EXOC2: variants seen among roughly 807,000 people sequenced by gnomAD.
The protein encoded by EXOC2 is SEC5-like 1.
In EXOC2, 70 loss-of-function variants were observed where a neutral mutation model predicts 131.8. That is an observed-to-expected ratio of 0.53 (90% CI 0.44 to 0.65). The LOEUF (loss-of-function observed/expected upper bound fraction) is 0.65, where lower values mean the gene tolerates loss of function less well. EXOC2 is among the 30% of genes least tolerant of loss of function. The probability of loss-of-function intolerance (pLI) is 0.00; values close to 1 mark genes in which losing one functional copy is unlikely to be tolerated. For synonymous variants in EXOC2, 411 were observed against 398.4 expected, an observed-to-expected ratio of 1.03 and a Z score of -0.38; for missense variants, 923 against 1,108.6, an observed-to-expected ratio of 0.83 and a Z score of 2.38.
rs149681779 is a variant in EXOC2, at chr6:653,969, G to A, written c.-43-16108C>T. Among the ~76,000 whole-genome samples the A allele has an allele frequency of 5.8e-4, 88 of 152,322 alleles. No homozygotes were observed. The East Asian group carries it at 0.016, about 27-fold the overall frequency. On this transcript the variant is annotated intron_variant, in intron 1 of 27. Coordinates refer to ENST00000230449, the MANE Select transcript of EXOC2 (RefSeq NM_018303.6). ...GAATTATGATAAATCTACTCTGCCT[G>A]TGTTCTATCAATAGAACAACAGAGC...
chr6:651,190 C>T (rs1762813724), intron 1 of EXOC2, among the ~76,000 whole-genome samples: 1 of 151,634 alleles, frequency 6.6e-6, no homozygotes, highest in South Asian at 2.1e-4. Flanking sequence ...GCCACCATGC[C>T]CAGCTAATTT....
chr6:581,305 A>C (rs1269980208), intron 11 of EXOC2, among the ~76,000 whole-genome samples: 1 of 152,072 alleles, frequency 6.6e-6, no homozygotes, highest in Non-Finnish European at 1.5e-5. Flanking sequence ...CAAAAAAAAA[A>C]AAAAAAAGTA....
At chr6:535,519 A>G (rs1766385342) in intron 22 of EXOC2, among the ~76,000 whole-genome samples, 1 of 152,236 alleles carries the variant, frequency 6.6e-6, no homozygotes. Flanking sequence ...TGAAGACATT[A>G]AAAGGATAGT....
chr6:690,071 G>C (rs9504777), intron 1 of EXOC2, among the ~76,000 whole-genome samples: 22,043 of 152,224 alleles, frequency 0.14, 1,775 homozygotes, highest in African/African-American at 0.21. Flanking sequence ...TTCAAATTGA[G>C]ATCAGCCAGG....
Position 574,697 on chromosome 6 carries a change from G to A in EXOC2, c.1319-2053C>T, listed in dbSNP as rs759513375. Among the ~76,000 whole-genome samples, 13 of 152,202 alleles carry A rather than the reference G, an allele frequency of 8.5e-5. No individual in the cohort carries two copies. In the East Asian group the frequency reaches 9.6e-4, roughly 11 times the overall value. On this transcript the variant is annotated intron_variant, in intron 12 of 27. Coordinates refer to ENST00000230449, the MANE Select transcript of EXOC2 (RefSeq NM_018303.6). ...AGCTAATATTTATTGAGGATTAACC[G>A]TGTGCTTATCATGTGGCTCCACCCA...
intron 11 of EXOC2, among the ~76,000 whole-genome samples, chr6:587,429 A>G (rs569553770): frequency 6.6e-6 from 1 of 152,158 alleles, no homozygotes; most frequent in South Asian, 2.1e-4. Context: ...TATTTTTAGT[A>G]GAGACGGGGT....
At chr6:627,157 C>T (rs1443178048) in intron 4 of EXOC2, among the ~76,000 whole-genome samples, 1 of 149,504 alleles carries the variant, frequency 6.7e-6, no homozygotes, top group Non-Finnish European at 1.5e-5. Flanking sequence ...TCTGCCTTTC[C>T]TTCCTTTTAT....
chr6:616,557 C>T (rs1365816159), intron 6 of EXOC2, among the ~76,000 whole-genome samples: 20 of 137,690 alleles, frequency 1.5e-4, no homozygotes, highest in Middle Eastern at 4.5e-3. Flanking sequence ...GAGCTGAGAT[C>T]GCGCCACAGC....
intron 1 of EXOC2, among the ~76,000 whole-genome samples, chr6:674,138 C>T (rs894373420): frequency 1.3e-5 from 2 of 152,086 alleles, no homozygotes; most frequent in African/African-American, 2.4e-5. Flanking sequence ...GCAAAAATAC[C>T]AACTTGATCA....
chr6:537,952 T>C (rs1766565526), intron 22 of EXOC2, among the ~76,000 whole-genome samples: 1 of 152,198 alleles, frequency 6.6e-6, no homozygotes, highest in Non-Finnish European at 1.5e-5. Flanking sequence ...AGGGAAGGTT[T>C]TGTATTTTCA....
At chr6:598,979 T>C (rs781110441) in intron 8 of EXOC2, 38 bp from the exon 9 acceptor site, 103 of 1,577,144 alleles carry the variant, frequency 6.5e-5, no homozygotes, top group Non-Finnish European at 8.5e-5. Flanking sequence ...CTGTCAGTAA[T>C]GCAAAATGAA....
intron 1 of EXOC2, among the ~76,000 whole-genome samples, chr6:681,198 T>C (rs9504741): frequency 0.14 from 20,954 of 152,196 alleles, 1,565 homozygotes; most frequent in African/African-American, 0.19. Flanking sequence ...ACAATCAACC[T>C]GTGACAGCTC....
chr6:497,645 CTTATAT>C (rs1391690697), intron 24 of EXOC2, among the ~76,000 whole-genome samples, 156 bp from the exon 25 acceptor site: 1 of 152,180 alleles, frequency 6.6e-6, no homozygotes, highest in Admixed American at 6.5e-5. Flanking sequence ...AAGATACAGA[CTTATAT>C]TTAAATTCTA....
chr6:551,646 G>A (rs1321259653), intron 21 of EXOC2, among the ~76,000 whole-genome samples: 1 of 152,308 alleles, frequency 6.6e-6, no homozygotes, highest in East Asian at 1.9e-4. Context: ...TGAGGATTCA[G>A]AGTGCCAGCA....
At chr6:650,999 A>G (rs1052858539) in intron 1 of EXOC2, among the ~76,000 whole-genome samples, 2 of 151,606 alleles carry the variant, frequency 1.3e-5, no homozygotes, top group South Asian at 4.2e-4. Context: ...TGCAGATCTT[A>G]TAACTTCCTC....
chr6:539,517 A>G (rs559338586), intron 22 of EXOC2, among the ~76,000 whole-genome samples: 8 of 152,168 alleles, frequency 5.3e-5, no homozygotes, highest in South Asian at 2.1e-4. Context: ...AGTGCTCCCA[A>G]TGGACAGTCC....
intron 2 of EXOC2, among the ~76,000 whole-genome samples, chr6:636,103 C>A (rs566282455): frequency 1.3e-5 from 2 of 152,314 alleles, no homozygotes; most frequent in African/African-American, 4.8e-5. Context: ...GTAATACACG[C>A]TTAGTCAAGT....
chr6:663,596 A>G (rs1763511421), intron 1 of EXOC2, among the ~76,000 whole-genome samples: 2 of 152,248 alleles, frequency 1.3e-5, no homozygotes, highest in African/African-American at 4.8e-5. Flanking sequence ...ACCATGATCA[A>G]GGGAGTTTCA....
rs751955614 is a variant in EXOC2, at chr6:497,458, C to T, written c.2468G>A (p.Arg823Gln). ...VFTISKELVP[R>Q]VLSKVIEAVS... is the part of the protein sequence containing the mutation. Reference sequence around the variant, plus strand: ...TGCTTCTATCACCTTGGATAGTACCCGAGGGACCAGTTCTTTGGAAATGGT... The same window carrying T: ...TGCTTCTATCACCTTGGATAGTACCTGAGGGACCAGTTCTTTGGAAATGGT... The change falls in exon 25 of 28, where the codon CGG becomes CAG. Residue 823 changes from arginine (R) to glutamine (Q), a missense_variant. Transcript: ENST00000230449. 17 of 1,613,384 alleles carry T rather than the reference C, an allele frequency of 1.1e-5. 1 individual carries two copies. The highest frequency in any genetic ancestry group is 2.2e-5 in the East Asian group (1 of 44,824).
Sources: gnomAD v4.1 joint callset for allele counts (sites outside exome capture counted in the v4.1 genomes callset) on GRCh38, gnomAD v4.1.1 for gene constraint, MANE v1.5 for transcripts, NCBI Gene and HGNC (gene_info 2026-07-23, HGNC 2026-07-21) for gene names.